The following SEM1 variants were observed in gnomAD, a reference collection of about 807,000 sequenced individuals.
SEM1 encodes the protein 26S proteasome complex subunit SEM1.
A neutral mutation model predicts 12.7 loss-of-function variants in SEM1; 3 were observed. The ratio of observed to expected loss-of-function variants is 0.24; its 90% CI spans 0.11 to 0.61. SEM1 has a LOEUF of 0.61. SEM1 is among the 20% of genes least tolerant of loss of function. The pLI is 0.88. For missense variants in SEM1, 59 were observed against 81.3 expected (o/e 0.73, Z 1.06); for synonymous variants, 30 against 27.8 (o/e 1.08, Z -0.25).
At chr7:96,604,855 G>T (rs1269611732) in intron 2 of SEM1, among the ~76,000 whole-genome samples, 2 of 151,500 alleles carry the variant, frequency 1.3e-5, no homozygotes, top group Non-Finnish European at 2.9e-5. Flanking sequence ...GTAGGCAGAG[G>T]TTGCAGCGAG....
chr7:96,683,558 C>T (rs1789678436), intron 2 of SEM1, among the ~76,000 whole-genome samples: 1 of 152,018 alleles, frequency 6.6e-6, no homozygotes, highest in South Asian at 2.1e-4. Context: ...GATTATAAAT[C>T]ATTCTATAAA....
At chr7:96,629,256 T>C (rs1479164945) in intron 2 of SEM1, among the ~76,000 whole-genome samples, 1 of 152,156 alleles carries the variant, frequency 6.6e-6, no homozygotes, top group Admixed American at 6.5e-5. Flanking sequence ...TACCTTCTCT[T>C]TAAGGCCAAC....
intron 2 of SEM1, among the ~76,000 whole-genome samples, chr7:96,628,282 T>C (rs1382035422): frequency 6.6e-6 from 1 of 152,128 alleles, no homozygotes; most frequent in African/African-American, 2.4e-5. Context: ...CATTTTGTTA[T>C]TTGTTTTCTG....
At chr7:96,512,532 G>A (rs1803964620) in intron 2 of SEM1, among the ~76,000 whole-genome samples, 1 of 152,092 alleles carries the variant, frequency 6.6e-6, no homozygotes, top group Non-Finnish European at 1.5e-5. Flanking sequence ...GGCTGTCCAA[G>A]TTTAATTCAC....
At chr7:96,625,763 A>T (rs1808041827) in intron 2 of SEM1, among the ~76,000 whole-genome samples, 1 of 152,170 alleles carries the variant, frequency 6.6e-6, no homozygotes, top group Non-Finnish European at 1.5e-5. Flanking sequence ...GCAGTTCTTA[A>T]ATTTGGCTAC....
chr7:96,531,429 C>A (rs904559132), intron 2 of SEM1, among the ~76,000 whole-genome samples: 342 of 146,344 alleles, frequency 2.3e-3, no homozygotes, highest in African/African-American at 7.4e-3. Context: ...AAAAAAACAA[C>A]AAAAAAAAAC....
intron 2 of SEM1, among the ~76,000 whole-genome samples, chr7:96,581,010 T>G (rs1422502379): frequency 2.0e-5 from 3 of 152,232 alleles, no homozygotes; most frequent in African/African-American, 7.2e-5. Flanking sequence ...TTTGTTGCCA[T>G]TGCTTTTGGT....
chr7:96,559,087 C>T (rs6465523), intron 2 of SEM1, among the ~76,000 whole-genome samples: 138,935 of 152,254 alleles, frequency 0.91, 63,825 homozygotes, highest in Non-Finnish European at 0.98. Flanking sequence ...GCCACAGTAC[C>T]AGTTACTATG....
At chr7:96,523,446 T>G (rs1056677218) in intron 2 of SEM1, among the ~76,000 whole-genome samples, 2 of 151,970 alleles carry the variant, frequency 1.3e-5, no homozygotes, top group African/African-American at 4.8e-5. Flanking sequence ...ACCTGAGGAG[T>G]GCAAAATGCC....
At chr7:96,621,556 G>A (rs1402023411), downstream of SEM1, 1 of 152,146 alleles carries the variant, frequency 6.6e-6, no homozygotes, top group East Asian at 1.9e-4. Context: ...CAACTTCAGG[G>A]ATTTTGTAAT....
intron 2 of SEM1, among the ~76,000 whole-genome samples, chr7:96,539,107 A>T (rs996419438): frequency 3.6e-4 from 54 of 151,810 alleles, no homozygotes; most frequent in African/African-American, 1.2e-3. Flanking sequence ...ACTGAGAATG[A>T]CCTCTAGCCA....
chr7:96,588,425 G>T (rs893144489), intron 2 of SEM1, among the ~76,000 whole-genome samples: 6 of 146,302 alleles, frequency 4.1e-5, no homozygotes, highest in Non-Finnish European at 9.1e-5. Context: ...AGAGAAGAAA[G>T]GTATATCATT....
At chr7:96,556,330 G>C (rs181043325) in intron 2 of SEM1, among the ~76,000 whole-genome samples, 2 of 151,858 alleles carry the variant, frequency 1.3e-5, no homozygotes, top group Non-Finnish European at 2.9e-5. Flanking sequence ...GGCTGGTACC[G>C]GTTGTTCCTT....
chr7:96,491,586 G>T (rs952943027), intron 1 of SEM1, among the ~76,000 whole-genome samples: 9 of 152,180 alleles, frequency 5.9e-5, no homozygotes, highest in Non-Finnish European at 1.0e-4. Context: ...AGAGGCACAG[G>T]CAGGAAGGGA....
intron 2 of SEM1, among the ~76,000 whole-genome samples, chr7:96,568,010 T>C (rs1805902368): frequency 6.6e-6 from 1 of 151,496 alleles, no homozygotes; most frequent in African/African-American, 2.4e-5. Flanking sequence ...TTTTGATGGG[T>C]ACATACAAAA....
chr7:96,679,709 A>G (rs2272225), intron 2 of SEM1, among the ~76,000 whole-genome samples: 138,675 of 152,098 alleles, frequency 0.91, 63,358 homozygotes, highest in Non-Finnish European at 0.95. Flanking sequence ...CTTATTACAC[A>G]GATTTGTGAC....
chr7:96,555,646 C>G (rs201101853), intron 2 of SEM1, among the ~76,000 whole-genome samples: 1 of 144,760 alleles, frequency 6.9e-6, no homozygotes, highest in Non-Finnish European at 1.5e-5. Context: ...TGGTGCGGTG[C>G]TGAAAAAAAT....
At chr7:96,632,995 G>A (rs1808321360) in intron 2 of SEM1, among the ~76,000 whole-genome samples, 1 of 151,540 alleles carries the variant, frequency 6.6e-6, no homozygotes, top group South Asian at 2.1e-4. Context: ...TAATTTTCTT[G>A]AATTCTTGGA....
At chr7:96,575,925 C>T (rs1045825473) in intron 2 of SEM1, among the ~76,000 whole-genome samples, 9 of 152,126 alleles carry the variant, frequency 5.9e-5, no homozygotes, top group East Asian at 1.9e-4. Context: ...TTGAAGAAGA[C>T]GACACATGTA....
Sources: allele counts gnomAD v4.1 joint callset (sites outside exome capture counted in the v4.1 genomes callset), GRCh38; gene constraint gnomAD v4.1.1; transcripts MANE v1.5; gene names NCBI Gene and HGNC (gene_info 2026-07-23, HGNC 2026-07-21).